Variants in LRRC37A3 observed in about 807,000 individuals in gnomAD.
LRRC37A3 encodes the protein leucine-rich repeat-containing protein 37A3.
A neutral mutation model predicts 106.2 loss-of-function variants in LRRC37A3; 25 were observed. The observed-to-expected ratio is 0.24, with a 90% CI of 0.17 to 0.33. The LOEUF is 0.33. Ranked by LOEUF, LRRC37A3 falls within the 10% of genes least tolerant of loss-of-function variation. The pLI is 1.00. For synonymous variants in LRRC37A3, 305 were observed against 635.8 expected (o/e 0.48, Z 7.83); for missense variants, 712 against 1,644.9 (o/e 0.43, Z 9.81).
rs561880213 is a variant in LRRC37A3 at position 64,859,963 on chromosome 17, T to C, written c.4183A>G (p.Asn1395Asp). The C allele has an allele frequency of 5.6e-6, 9 of 1,613,800 alleles. No individual in the cohort carries two copies. The African/African-American group carries it at 1.2e-4, about 22-fold the overall frequency. Residue 1395 changes from asparagine to aspartate, a missense_variant, in exon 12 of 15, where the codon AAT (asparagine) becomes GAT (aspartate). Asn to Asp is a conservative substitution (Grantham distance 23, BLOSUM62 1). Transcript: ENST00000584306. Reference sequence around the variant, plus strand: ...ATAAAAACATTTTCTTCAAAGGCATTTCTTGCAGTTGTGTCTTTTGTATTA... The same window carrying C: ...ATAAAAACATTTTCTTCAAAGGCATCTCTTGCAGTTGTGTCTTTTGTATTA... ...NNNTKDTTAR[N>D]AFEENVFMEN...
intron 2 of LRRC37A3, among the ~76,000 whole-genome samples, chr17:64,916,776 ACT>A (rs1048038028): frequency 1.1e-4 from 16 of 148,690 alleles, no homozygotes; most frequent in African/African-American, 4.0e-4. Flanking sequence ...ACAGAGCAAG[ACT>A]CTGTCTCAAA....
intron 10 of LRRC37A3, among the ~76,000 whole-genome samples, chr17:64,865,811 A>G (rs537689295): frequency 7.9e-5 from 12 of 152,348 alleles, no homozygotes; most frequent in African/African-American, 2.9e-4. Flanking sequence ...TGTCCCAATC[A>G]TAACATGGCT....
intron 8 of LRRC37A3, among the ~76,000 whole-genome samples, chr17:64,872,181 A>G (rs1016545145): frequency 9.5e-5 from 14 of 148,148 alleles, no homozygotes; most frequent in South Asian, 8.6e-4. Context: ...TCATCCCTTC[A>G]TAAAAGCAAC....
chr17:64,857,605 T>A (rs1159665251), intron 13 of LRRC37A3, among the ~76,000 whole-genome samples: 2 of 151,948 alleles, frequency 1.3e-5, no homozygotes, highest in African/African-American at 4.8e-5. Flanking sequence ...ATCCTCCCAC[T>A]TCAGCCTCTG....
intron 5 of LRRC37A3, among the ~76,000 whole-genome samples, chr17:64,890,685 A>T (rs1973927852): frequency 6.9e-6 from 1 of 144,338 alleles, no homozygotes; most frequent in Non-Finnish European, 1.5e-5. Context: ...TATAAAAATT[A>T]GCTGGGTGTG....
intron 8 of LRRC37A3, among the ~76,000 whole-genome samples, chr17:64,884,725 T>C (rs1973820608): frequency 8.8e-6 from 1 of 113,170 alleles, no homozygotes; most frequent in Non-Finnish European, 1.7e-5. Context: ...GTTTAAAACA[T>C]TTGTATTGAT....
intron 2 of LRRC37A3, among the ~76,000 whole-genome samples, chr17:64,908,866 C>A (rs965267787): frequency 7.0e-6 from 1 of 142,352 alleles, no homozygotes; most frequent in Non-Finnish European, 1.5e-5. Flanking sequence ...ATTTAGAGAC[C>A]AGCCTGGGCA....
At chr17:64,875,044 A>G (rs1291615693) in intron 8 of LRRC37A3, among the ~76,000 whole-genome samples, 2 of 151,820 alleles carry the variant, frequency 1.3e-5, no homozygotes, top group East Asian at 3.9e-4. Flanking sequence ...CTATTGTCCT[A>G]TGACCCTGCC....
At chr17:64,918,948 G>C in intron 1 of LRRC37A3, 78 bp from the exon 2 acceptor site, 1 of 1,054,994 alleles carries the variant, frequency 9.5e-7, no homozygotes, top group Non-Finnish European at 1.2e-6. Context: ...CGGCCGTCCG[G>C]ACCTGCAGCT....
At chr17:64,854,771 C>T in intron 14 of LRRC37A3, 127 bp from the exon 15 acceptor site, 1 of 1,611,774 alleles carries the variant, frequency 6.2e-7, no homozygotes, top group Non-Finnish European at 8.5e-7. Context: ...TGTTGAGGAT[C>T]TTGTCCTCAT....
intron 10 of LRRC37A3, among the ~76,000 whole-genome samples, chr17:64,864,492 CA>C (rs1972991800): frequency 6.6e-6 from 1 of 152,002 alleles, no homozygotes; most frequent in South Asian, 2.1e-4. Context: ...TAAATTTGGG[CA>C]AAAGAGGTAA....
intron 2 of LRRC37A3, chr17:64,909,446 T>C (rs936134312): frequency 3.3e-5 from 5 of 152,204 alleles, no homozygotes; most frequent in African/African-American, 1.2e-4. Flanking sequence ...CTTGAAACAG[T>C]CCTTCCTAAA....
intron 2 of LRRC37A3, among the ~76,000 whole-genome samples, chr17:64,904,479 AAAT>A (rs1232148924): frequency 2.0e-5 from 3 of 149,768 alleles, no homozygotes; most frequent in Non-Finnish European, 3.0e-5. Flanking sequence ...TGTCTCTAAA[AAAT>A]AATAATAAAT....
At chr17:64,913,318 T>G (rs62071416) in intron 2 of LRRC37A3, among the ~76,000 whole-genome samples, 5,178 of 72,478 alleles carry the variant, frequency 0.071, no homozygotes, top group Middle Eastern at 0.17. Flanking sequence ...CATGAGCCAC[T>G]GCACCTGGCC....
At chr17:64,863,994 T>TA (rs1491253168) in intron 10 of LRRC37A3, among the ~76,000 whole-genome samples, 8 of 147,876 alleles carry the variant, frequency 5.4e-5, no homozygotes, top group Non-Finnish European at 1.0e-4. Context: ...TTTTTTTTTT[T>TA]ACTTTTGTAT....
At chr17:64,870,783 TTCTC>T (rs984105557) in intron 8 of LRRC37A3, among the ~76,000 whole-genome samples, 3 of 151,986 alleles carry the variant, frequency 2.0e-5, no homozygotes, top group African/African-American at 4.8e-5. Context: ...TTCTTTTTCT[TTCTC>T]TCTCTTTTTC....
rs539536218 is a variant in LRRC37A3 at position 64,868,311 on chromosome 17, T to C, written c.3053+151A>G. 24 of 616,530 alleles carry C rather than the reference T, an allele frequency of 3.9e-5. No individual in the cohort carries two copies. The African/African-American group carries it at 3.9e-4, about 10-fold the overall frequency. The allele number at this position is 616,530 out of a possible 1,614,324, so 38.2% of individuals were successfully genotyped here. A position where few individuals can be genotyped will look rare whatever the true frequency, so the allele number is the denominator to read the frequency against. On this transcript the variant is annotated intron_variant, in intron 10 of 14. Coordinates refer to ENST00000584306, the MANE Select transcript of LRRC37A3 (RefSeq NM_199340.5). The stretch of plus-strand genomic sequence containing the variant: ...GAATGTGGTGGTGGTTATGTAACTA[T>C]ACATTTGTCAGACTCATCAAACTGT...
intron 13 of LRRC37A3, among the ~76,000 whole-genome samples, chr17:64,856,280 G>A (rs1446351077): frequency 1.3e-5 from 2 of 151,608 alleles, no homozygotes; most frequent in African/African-American, 4.9e-5. Flanking sequence ...GCGGTGTCAC[G>A]ATCACAGCTC....
chr17:64,858,350 C>T (rs558429442), intron 13 of LRRC37A3, among the ~76,000 whole-genome samples: 10 of 152,314 alleles, frequency 6.6e-5, no homozygotes, highest in African/African-American at 1.7e-4. Context: ...CAAGACAATA[C>T]TTCTGTCTTT....
Sources: allele counts gnomAD v4.1 joint callset (sites outside exome capture counted in the v4.1 genomes callset), GRCh38; gene constraint gnomAD v4.1.1; transcripts MANE v1.5; gene names NCBI Gene and HGNC (gene_info 2026-07-23, HGNC 2026-07-21).